Variants in ANKHD1 observed in about 807,000 individuals in gnomAD.
The protein encoded by ANKHD1 is ankyrin repeat and KH domain-containing protein 1.
ANKHD1 carries 31 observed loss-of-function variants against 230.5 expected under a neutral mutation model. The ratio of observed to expected loss-of-function variants is 0.13; its 90% CI spans 0.10 to 0.18. The LOEUF (loss-of-function observed/expected upper bound fraction) is 0.18, where lower values mean the gene tolerates loss of function less well. Among genes scored for constraint, ANKHD1 ranks in the 10% least tolerant of loss-of-function variants. The probability of loss-of-function intolerance (pLI) is 1.00; values close to 1 mark genes in which losing one functional copy is unlikely to be tolerated. For missense variants in ANKHD1, 2,256 were observed against 3,071.3 expected, an observed-to-expected ratio of 0.73 and a Z score of 6.27; for synonymous variants, 1,074 against 1,117.6, an observed-to-expected ratio of 0.96 and a Z score of 0.78.
intron 3 of ANKHD1, 151 bp downstream of exon 3, chr5:140,438,768 A>G: frequency 1.9e-6 from 2 of 1,077,530 alleles, no homozygotes; most frequent in East Asian, 2.8e-5. Context: ...ATGTATATGT[A>G]TTATGTAGCT....
intron 15 of ANKHD1, 63 bp downstream of exon 15, chr5:140,497,341 A>T: frequency 6.6e-7 from 1 of 1,509,524 alleles, no homozygotes; most frequent in South Asian, 1.3e-5. Flanking sequence ...TTCTTTATAT[A>T]CCCCTCCAAA....
chr5:140,443,451 G>A (rs566683460), intron 5 of ANKHD1, among the ~76,000 whole-genome samples: 1 of 151,974 alleles, frequency 6.6e-6, no homozygotes, highest in South Asian at 2.1e-4. Context: ...AGCACTTTGG[G>A]AGGCTGAGGT....
intron 15 of ANKHD1, among the ~76,000 whole-genome samples, chr5:140,501,176 A>G (rs922963716): frequency 5.3e-5 from 8 of 151,312 alleles, no homozygotes; most frequent in Non-Finnish European, 1.2e-4. Context: ...CCCAGGTTCA[A>G]GCGATTCCCC....
At chr5:140,445,005 C>T (rs549729851) in intron 5 of ANKHD1, among the ~76,000 whole-genome samples, 1 of 152,076 alleles carries the variant, frequency 6.6e-6, no homozygotes, top group Non-Finnish European at 1.5e-5. Flanking sequence ...CAGGGGTATG[C>T]CACCATTCCT....
intron 7 of ANKHD1, among the ~76,000 whole-genome samples, chr5:140,454,085 C>T (rs945223135): frequency 1.3e-5 from 2 of 152,148 alleles, no homozygotes; most frequent in Non-Finnish European, 2.9e-5. Context: ...TAAAAACAGA[C>T]TTTAAACCAA....
chr5:140,452,657 C>T (rs1774843425), intron 7 of ANKHD1, among the ~76,000 whole-genome samples: 1 of 152,172 alleles, frequency 6.6e-6, no homozygotes, highest in Non-Finnish European at 1.5e-5. Flanking sequence ...AGCTGAGGGT[C>T]CTGACTGTTA....
At chr5:140,462,106 T>C (rs1042190435) in intron 9 of ANKHD1, among the ~76,000 whole-genome samples, 3 of 152,146 alleles carry the variant, frequency 2.0e-5, no homozygotes, top group African/African-American at 7.2e-5. Context: ...TGTTTTTCTA[T>C]CCTTTGGATT....
intron 10 of ANKHD1, among the ~76,000 whole-genome samples, chr5:140,478,367 T>C (rs1389448489): frequency 6.7e-6 from 1 of 150,324 alleles, no homozygotes; most frequent in Non-Finnish European, 1.5e-5. Flanking sequence ...CTTTTTCTTT[T>C]TTTTTTTTTT....
chr5:140,441,512 A>C (rs1209130331), intron 5 of ANKHD1, among the ~76,000 whole-genome samples: 3 of 151,996 alleles, frequency 2.0e-5, no homozygotes, highest in Admixed American at 1.3e-4. Flanking sequence ...TTTTTCCCCC[A>C]CAGTCTTATG....
chr5:140,510,316 T>TTC, intron 22 of ANKHD1, 135 bp downstream of exon 22: 1 of 1,265,940 alleles, frequency 7.9e-7, no homozygotes, highest in Non-Finnish European at 1.0e-6. Context: ...ATTCTTTTTT[T>TTC]TTTTTTTTTT....
Position 140,422,764 on chromosome 5 carries a change from T to C in ANKHD1, c.307-13340T>C, listed in dbSNP as rs533645456. Among the ~76,000 whole-genome samples, 6 of 151,290 alleles carry C rather than the reference T, an allele frequency of 4.0e-5. No individual in the cohort carries two copies. The South Asian group carries it at 1.3e-3, about 32-fold the overall frequency. On this transcript the variant is annotated intron_variant, in intron 1 of 33. Transcript: ENST00000360839. ...GGTGGAGGTTGCAGTGAGCCAAGAT[T>C]GCACCATTGCACTCCAGCCTGGGTG...
chr5:140,441,850 A>G (rs1773872964), intron 5 of ANKHD1, among the ~76,000 whole-genome samples: 1 of 152,008 alleles, frequency 6.6e-6, no homozygotes, highest in Non-Finnish European at 1.5e-5. Flanking sequence ...CTATATATGT[A>G]TCTTATAACA....
At chr5:140,481,754 T>C (rs1751284111) in intron 10 of ANKHD1, among the ~76,000 whole-genome samples, 1 of 152,074 alleles carries the variant, frequency 6.6e-6, no homozygotes, top group Non-Finnish European at 1.5e-5. Context: ...TTTTTCTTAG[T>C]AATAAAAGAG....
Position 140,512,864 on chromosome 5 carries a change from G to A in ANKHD1, c.4141G>A (p.Val1381Ile). 1.2e-6 allele frequency: 2 copies of A among 1,603,182 alleles called. No individual in the cohort carries two copies. Among genetic ancestry groups the A allele is most frequent in the Non-Finnish European group, 1.7e-6 (2 of 1,176,398 alleles). Residue 1381 changes from valine to isoleucine, a missense_variant, in exon 23 of 34, where the codon GTA becomes ATA. This residue lies in a region of ANKHD1 where 195 missense variants were observed against 340.3 expected (regional missense o/e 0.57). Transcript: ENST00000360839. ...VKVVQYLVKE[V>I]NQFPSDIECM... The stretch of plus-strand genomic sequence containing the variant: ...AGTTGTTCAATATTTGGTAAAGGAA[G>A]TAAATCAGTTCCCTTCTGATATAGA...
At chr5:140,447,449 C>T (rs1359759708) in intron 6 of ANKHD1, among the ~76,000 whole-genome samples, 2 of 152,238 alleles carry the variant, frequency 1.3e-5, no homozygotes, top group Admixed American at 1.3e-4. Context: ...CTCAAGTGAT[C>T]TTCCTACTTC....
intron 3 of ANKHD1, among the ~76,000 whole-genome samples, chr5:140,439,847 CTTTA>C (rs1773726599): frequency 6.6e-6 from 1 of 152,124 alleles, no homozygotes; most frequent in Admixed American, 6.5e-5. Context: ...CTTTAAAAAA[CTTTA>C]TTTAAAATTT....
At chr5:140,497,650 AT>A (rs1253339919) in intron 15 of ANKHD1, among the ~76,000 whole-genome samples, 4 of 152,086 alleles carry the variant, frequency 2.6e-5, no homozygotes, top group Non-Finnish European at 5.9e-5. Context: ...CCTGCTGTTG[AT>A]TTTCATGTCT....
At chr5:140,502,903 ATTATG>A (rs527453859) in intron 15 of ANKHD1, among the ~76,000 whole-genome samples, 15 of 152,310 alleles carry the variant, frequency 9.8e-5, no homozygotes, top group African/African-American at 3.6e-4. Context: ...AAATAGTTAA[ATTATG>A]TTATTTATGT....
rs575989260 is a variant in ANKHD1 at position 140,456,093 on chromosome 5, G to A, written c.1243-2532G>A. Among the ~76,000 whole-genome samples the A allele has an allele frequency of 9.1e-4, 138 of 152,276 alleles. 2 individuals carry two copies. Among genetic ancestry groups the A allele is most frequent in the African/African-American group, 3.1e-3 (129 of 41,566 alleles). On this transcript the variant is annotated intron_variant, in intron 7 of 33. Coordinates refer to ENST00000360839, the MANE Select transcript of ANKHD1 (RefSeq NM_017747.3). ...TAACAGACAGAGAGCCAAATCATGAGTGAACTCCCATTCACAATTGCTTCA... is the reference window on the plus strand; with the variant it reads ...TAACAGACAGAGAGCCAAATCATGAATGAACTCCCATTCACAATTGCTTCA...
Sources: allele counts gnomAD v4.1 joint callset (sites outside exome capture counted in the v4.1 genomes callset), GRCh38; gene constraint gnomAD v4.1.1; regional missense constraint gnomAD v4.1.1; transcripts MANE v1.5; gene names NCBI Gene and HGNC (gene_info 2026-07-23, HGNC 2026-07-21).